Variants in VOPP1 observed in about 807,000 individuals in gnomAD.
VOPP1 encodes WW domain binding protein VOPP1.
In VOPP1, 8 loss-of-function variants were observed where a neutral mutation model predicts 23.5. That is an observed-to-expected ratio of 0.34 (90% CI 0.20 to 0.61). VOPP1 has a LOEUF of 0.61. Among genes scored for constraint, VOPP1 ranks in the 20% least tolerant of loss-of-function variants. The pLI, the probability that VOPP1 is intolerant of heterozygous loss-of-function variation, is 0.78. For missense variants in VOPP1, 174 were observed against 238.1 expected (o/e 0.73, Z 1.77); for synonymous variants, 83 against 97.3 (o/e 0.85, Z 0.86).
intron 4 of VOPP1, chr7:55,436,318 C>A (rs1790820944): frequency 6.6e-6 from 1 of 152,328 alleles, no homozygotes; most frequent in African/African-American, 2.4e-5. Flanking sequence ...CAAGTTATTT[C>A]TTGAGCCTCC....
At chr7:55,563,370 C>T (rs1048307263) in intron 1 of VOPP1, among the ~76,000 whole-genome samples, 2 of 151,934 alleles carry the variant, frequency 1.3e-5, no homozygotes, top group Non-Finnish European at 2.9e-5. Flanking sequence ...ATTTAGATTC[C>T]ACTGAATACA....
At chr7:55,522,111 G>C (rs908675344) in intron 1 of VOPP1, among the ~76,000 whole-genome samples, 1 of 152,168 alleles carries the variant, frequency 6.6e-6, no homozygotes, top group Non-Finnish European at 1.5e-5. Flanking sequence ...CCCCTCCTCC[G>C]GTGGGAGGGT....
intron 4 of VOPP1, among the ~76,000 whole-genome samples, chr7:55,491,086 G>A (rs534031072): frequency 1.3e-5 from 2 of 152,304 alleles, no homozygotes; most frequent in Non-Finnish European, 2.9e-5. Context: ...GCAAAAAGCT[G>A]TGCATGTTTA....
At chr7:55,479,848 C>CAT (rs1444657366) in intron 4 of VOPP1, among the ~76,000 whole-genome samples, 1 of 152,174 alleles carries the variant, frequency 6.6e-6, no homozygotes, top group Non-Finnish European at 1.5e-5. Flanking sequence ...GTCTTTATTA[C>CAT]ATTAATAAAA....
At chr7:55,506,801 G>T (rs1430992407) in intron 2 of VOPP1, among the ~76,000 whole-genome samples, 1 of 151,772 alleles carries the variant, frequency 6.6e-6, no homozygotes, top group East Asian at 1.9e-4. Context: ...GCCATGCCTG[G>T]CTAATTTTTG....
At chr7:55,437,703 T>TAA (rs1161330189) in intron 4 of VOPP1, among the ~76,000 whole-genome samples, 1 of 152,212 alleles carries the variant, frequency 6.6e-6, no homozygotes, top group African/African-American at 2.4e-5. Flanking sequence ...GAACACCTGT[T>TAA]ATTTGGATGT....
chr7:55,556,656 A>C (rs1268474256), intron 1 of VOPP1, among the ~76,000 whole-genome samples: 1 of 143,504 alleles, frequency 7.0e-6, no homozygotes, highest in African/African-American at 2.5e-5. Flanking sequence ...AAAACACTTC[A>C]AGCTTTGAGA....
chr7:55,499,573 T>C (rs1368875288), intron 2 of VOPP1, among the ~76,000 whole-genome samples: 1 of 152,122 alleles, frequency 6.6e-6, no homozygotes, highest in Non-Finnish European at 1.5e-5. Flanking sequence ...ACATAAACTG[T>C]GTTAGACAGT....
At chr7:55,516,922 ATATATATATATTTTTTTTTTTTTTTT>A (rs1352225148) in intron 2 of VOPP1, among the ~76,000 whole-genome samples, 5 of 40,826 alleles carry the variant, frequency 1.2e-4, no homozygotes, top group African/African-American at 4.7e-4. Context: ...ATATATATAT[ATATATATATATTTTTTTTTTTTTTTT>A]TTTTTTTTTT....
At chr7:55,445,260 CACAG>C (rs1381567613) in intron 4 of VOPP1, among the ~76,000 whole-genome samples, 50 of 97,284 alleles carry the variant, frequency 5.1e-4, no homozygotes, top group East Asian at 1.2e-3. Flanking sequence ...CACACACACA[CACAG>C]ACATACACAC....
intron 4 of VOPP1, among the ~76,000 whole-genome samples, chr7:55,439,546 G>A (rs544539483): frequency 2.0e-5 from 3 of 152,172 alleles, no homozygotes; most frequent in Non-Finnish European, 4.4e-5. Flanking sequence ...TGATAAAATG[G>A]GCAGTTGGAA....
In VOPP1 at chr7:55,484,346, T is replaced by C. The variant is rs895483549; in HGVS notation, c.328+7936A>G. ...GGAGATTCATCCTCGTGAGCCTCCT[T>C]CCACCCCCTTGCCAGTCTTTCTTCA... On this transcript the variant is annotated intron_variant, in intron 4 of 4. Transcript: ENST00000285279. 8.5e-5 allele frequency among the ~76,000 whole-genome samples: 13 copies of C among 152,196 alleles called. 1 individual carries two copies. Among genetic ancestry groups the C allele is most frequent in the Non-Finnish European group, 5.9e-5 (4 of 68,028 alleles).
At chr7:55,533,959 A>C (rs1025503554) in intron 1 of VOPP1, among the ~76,000 whole-genome samples, 6 of 151,880 alleles carry the variant, frequency 4.0e-5, no homozygotes, top group Non-Finnish European at 8.8e-5. Context: ...AAAAGCAACA[A>C]CTCTGCCTCA....
intron 1 of VOPP1, among the ~76,000 whole-genome samples, chr7:55,553,300 T>C (rs1033674089): frequency 6.6e-6 from 1 of 152,162 alleles, no homozygotes; most frequent in African/African-American, 2.4e-5. Flanking sequence ...GGGGAGAAAT[T>C]TTCATTTCTA....
At chr7:55,558,589 T>A (rs1015083335) in intron 1 of VOPP1, among the ~76,000 whole-genome samples, 3 of 152,016 alleles carry the variant, frequency 2.0e-5, no homozygotes, top group Non-Finnish European at 4.4e-5. Flanking sequence ...ATTCCAATCA[T>A]CTCTGCTCAG....
intron 4 of VOPP1, among the ~76,000 whole-genome samples, chr7:55,456,467 T>C (rs1047524512): frequency 4.6e-5 from 7 of 152,212 alleles, no homozygotes; most frequent in African/African-American, 7.2e-5. Flanking sequence ...CAAAGGATTA[T>C]AAATCATTCT....
In VOPP1 at chr7:55,497,553, ATGGGGGG is replaced by A. The variant is rs1474340037; in HGVS notation, c.191+53_191+59del. 2.1e-5 allele frequency: 20 copies of A among 936,970 alleles called. No individual in the cohort carries two copies. The African/African-American group carries it at 4.2e-4, about 20-fold the overall frequency. 58.0% of individuals were successfully genotyped at this position (936,970 alleles called of 1,614,324 possible). On this transcript the variant is annotated intron_variant, in intron 3 of 4. Transcript: ENST00000285279. ...CGCATCCAAGGCTGTGACAACACTG[ATGGGGGG>A]GGGGGGGGGGCAGAGCTCTCGGGGT...
intron 2 of VOPP1, among the ~76,000 whole-genome samples, chr7:55,500,220 T>C (rs1794271713): frequency 6.6e-6 from 1 of 152,188 alleles, no homozygotes; most frequent in Non-Finnish European, 1.5e-5. Flanking sequence ...ACCCTGTGAA[T>C]ACCAGATGGC....
At chr7:55,527,303 G>A (rs963154059) in intron 1 of VOPP1, among the ~76,000 whole-genome samples, 2 of 152,124 alleles carry the variant, frequency 1.3e-5, no homozygotes, top group African/African-American at 4.8e-5. Flanking sequence ...GATTTTTTTA[G>A]AGATGAGAGT....
Sources: gnomAD v4.1 joint callset for allele counts (sites outside exome capture counted in the v4.1 genomes callset) on GRCh38, gnomAD v4.1.1 for gene constraint, MANE v1.5 for transcripts, NCBI Gene and HGNC (gene_info 2026-07-23, HGNC 2026-07-21) for gene names.